SMARCC1: variants seen among roughly 807,000 people sequenced by gnomAD.
SMARCC1 encodes the protein SWI/SNF related BAF chromatin remodeling complex subunit C1, also known as SWI/SNF complex subunit SMARCC1.
In SMARCC1, 43 loss-of-function variants were observed where a neutral mutation model predicts 147.4. The observed-to-expected ratio is 0.29, with a 90% CI of 0.23 to 0.38. The LOEUF (loss-of-function observed/expected upper bound fraction) is 0.38. SMARCC1 is among the 10% of genes least tolerant of loss of function. The pLI, the probability that SMARCC1 is intolerant of heterozygous loss-of-function variation, is 1.00. For synonymous variants in SMARCC1, 495 were observed against 484.4 expected (o/e 1.02, Z -0.29); for missense variants, 1,119 against 1,381.1 (o/e 0.81, Z 3.01).
intron 24 of SMARCC1, among the ~76,000 whole-genome samples, chr3:47,632,881 A>C (rs1212155677): frequency 6.6e-6 from 1 of 152,210 alleles, no homozygotes; most frequent in African/African-American, 2.4e-5. Flanking sequence ...AGAGAGAGAT[A>C]GGGAGGTTAC....
At chr3:47,691,925 G>GGGA (rs1559646336) in intron 12 of SMARCC1, among the ~76,000 whole-genome samples, 1 of 152,106 alleles carries the variant, frequency 6.6e-6, no homozygotes, top group Admixed American at 6.6e-5. Context: ...GCTTGAACCC[G>GGGA]GGAGGAGGAG....
chr3:47,626,719 G>A (rs961817851), intron 24 of SMARCC1, among the ~76,000 whole-genome samples: 6 of 152,134 alleles, frequency 3.9e-5, no homozygotes, highest in Non-Finnish European at 8.8e-5. Context: ...CAGGCTCTCT[G>A]CCTTGCCCAA....
rs886785504 is a variant in SMARCC1 at position 47,767,665 on chromosome 3, C to T, written c.315+5152G>A. Among the ~76,000 whole-genome samples the T allele has an allele frequency of 7.2e-4, 94 of 131,438 alleles. 1 individual carries two copies. Among genetic ancestry groups the T allele is most frequent in the African/African-American group, 2.7e-3 (93 of 34,736 alleles). The allele number at this position is 131,438 out of a possible 152,430, so 86.2% of individuals were successfully genotyped here. ...CGGGTGGATCACAAGTTCAGGAGTTCGAGACCAGCTTGGCCAACATGGAGA... is the reference window on the plus strand; with the variant it reads ...CGGGTGGATCACAAGTTCAGGAGTTTGAGACCAGCTTGGCCAACATGGAGA... On this transcript the variant is annotated intron_variant, in intron 2 of 27. Coordinates refer to ENST00000254480, the MANE Select transcript of SMARCC1 (RefSeq NM_003074.4).
rs1203186985 is a variant in SMARCC1 at position 47,772,937 on chromosome 3, C to CTGCAA, written c.196-6_196-2dup. On this transcript the variant is annotated splice_acceptor_variant, in intron 1 of 27. Coordinates refer to ENST00000254480, the MANE Select transcript of SMARCC1 (RefSeq NM_003074.4). LOFTEE classifies it high-confidence loss of function. The stretch of plus-strand genomic sequence containing the variant: ...TGGTAGGAGCATCCGCATGAACATA[C>CTGCAA]TGCAAGATAAAGACAGGCATTCAAA... 6.2e-7 allele frequency: 1 copy of CTGCAA among 1,610,300 alleles called. No homozygotes were observed. Among genetic ancestry groups the CTGCAA allele is most frequent in the Non-Finnish European group, 8.5e-7 (1 of 1,178,072 alleles).
chr3:47,678,105 G>A (rs933859114), intron 16 of SMARCC1, 93 bp downstream of exon 16: 3 of 605,762 alleles, frequency 5.0e-6, no homozygotes, highest in Middle Eastern at 2.7e-4. Context: ...GTTTTACCCA[G>A]TTGAAACAAC....
chr3:47,697,260 G>C (rs983507167), intron 11 of SMARCC1, among the ~76,000 whole-genome samples: 1 of 151,810 alleles, frequency 6.6e-6, no homozygotes, highest in Non-Finnish European at 1.5e-5. Flanking sequence ...AGACGTGACT[G>C]CCAATGCACT....
chr3:47,764,581 A>C (rs957646699), intron 2 of SMARCC1, among the ~76,000 whole-genome samples: 1 of 152,172 alleles, frequency 6.6e-6, no homozygotes. Flanking sequence ...CACCTGGTCC[A>C]GCATGCCCTC....
At chr3:47,590,539 G>T in intron 27 of SMARCC1, 122 bp downstream of exon 27, 1 of 797,714 alleles carries the variant, frequency 1.3e-6, no homozygotes. Flanking sequence ...AGAAGCCACT[G>T]TCACAGACTG....
At chr3:47,664,042 C>T (rs1025072715) in intron 19 of SMARCC1, 39 of 597,128 alleles carry the variant, frequency 6.5e-5, no homozygotes, top group African/African-American at 1.1e-4. Context: ...GAGGCCCATG[C>T]GTCGTTGGGG....
intron 1 of SMARCC1, among the ~76,000 whole-genome samples, chr3:47,777,496 C>A (rs1480452598): frequency 6.6e-6 from 1 of 151,906 alleles, no homozygotes; most frequent in Non-Finnish European, 1.5e-5. Flanking sequence ...AAATTTGAGA[C>A]CAGTCTGGGC....
At chr3:47,600,470 T>A (rs1190760924) in intron 26 of SMARCC1, among the ~76,000 whole-genome samples, 1 of 152,076 alleles carries the variant, frequency 6.6e-6, no homozygotes, top group African/African-American at 2.4e-5. Context: ...AGTCTCCAGG[T>A]TGTTAGTAAG....
rs2033282992 is a variant in SMARCC1, at chr3:47,657,754, A to C, written c.2320+3540T>G. 2.0e-5 allele frequency among the ~76,000 whole-genome samples: 3 copies of C among 152,066 alleles called. 1 individual carries two copies. In the South Asian group the frequency reaches 6.2e-4, roughly 32 times the overall value. ...CTTGAACCTGGGAGGCAGAGGTTGC[A>C]GTAAGCCAAGATCACACCACTGCAC... On this transcript the variant is annotated intron_variant, in intron 21 of 27. Coordinates refer to ENST00000254480, the MANE Select transcript of SMARCC1 (RefSeq NM_003074.4).
chr3:47,780,592 C>T (rs932938114), intron 1 of SMARCC1, among the ~76,000 whole-genome samples: 1 of 152,132 alleles, frequency 6.6e-6, no homozygotes, highest in Non-Finnish European at 1.5e-5. Context: ...TGTTTTCATT[C>T]ATTCAACAAA....
intron 25 of SMARCC1, among the ~76,000 whole-genome samples, chr3:47,616,041 T>C (rs914101797): frequency 3.3e-5 from 5 of 152,206 alleles, no homozygotes; most frequent in Non-Finnish European, 7.3e-5. Context: ...ACAGACAACA[T>C]TTAGTCCAAA....
chr3:47,731,043 G>A (rs2034368592), intron 5 of SMARCC1, among the ~76,000 whole-genome samples: 1 of 152,122 alleles, frequency 6.6e-6, no homozygotes, highest in South Asian at 2.1e-4. Flanking sequence ...CACATTGATT[G>A]ACTCCTTTCA....
chr3:47,726,782 A>T (rs2034304832), intron 6 of SMARCC1, among the ~76,000 whole-genome samples: 1 of 152,258 alleles, frequency 6.6e-6, no homozygotes, highest in Non-Finnish European at 1.5e-5. Flanking sequence ...TTAGTCTCTG[A>T]TAACAACCAT....
chr3:47,700,508 GTTGTTTT>G (rs774690029), intron 11 of SMARCC1, among the ~76,000 whole-genome samples: 2 of 151,994 alleles, frequency 1.3e-5, no homozygotes, highest in African/African-American at 4.8e-5. Flanking sequence ...AACATTTTGG[GTTGTTTT>G]TTGTTTTTTG....
At chr3:47,711,627 A>G (rs1274574571) in intron 8 of SMARCC1, among the ~76,000 whole-genome samples, 1 of 152,178 alleles carries the variant, frequency 6.6e-6, no homozygotes, top group African/African-American at 2.4e-5. Flanking sequence ...AACAAGATAC[A>G]CTGTGGCAAT....
intron 18 of SMARCC1, among the ~76,000 whole-genome samples, chr3:47,670,968 T>C (rs1559640576): frequency 1.3e-5 from 2 of 151,758 alleles, no homozygotes. Context: ...GTGGATCACT[T>C]GAGGTCAGGA....
Sources: allele counts gnomAD v4.1 joint callset (sites outside exome capture counted in the v4.1 genomes callset), GRCh38; gene constraint gnomAD v4.1.1; transcripts MANE v1.5; gene names NCBI Gene and HGNC (gene_info 2026-07-23, HGNC 2026-07-21).